ARB2A: variants seen among roughly 807,000 people sequenced by gnomAD.
ARB2A encodes the protein ARB2 cotranscriptional regulator A.
At chr5:93,700,363 G>C in the ARB2A span, among the ~76,000 whole-genome samples, 1 of 151,938 alleles carries the variant, frequency 6.6e-6, no homozygotes, top group Non-Finnish European at 1.5e-5. Flanking sequence ...TAACTGATGG[G>C]GAGACATAGA....
At chr5:94,017,735 C>A in the ARB2A span, among the ~76,000 whole-genome samples, 272 of 152,262 alleles carry the variant, frequency 1.8e-3, no homozygotes, top group Non-Finnish European at 3.1e-3. Context: ...GCTGATATGA[C>A]AAATTCTCTG....
chr5:93,937,438 T>TTA, the ARB2A span, among the ~76,000 whole-genome samples: 1 of 140,914 alleles, frequency 7.1e-6, no homozygotes, highest in Admixed American at 7.1e-5. Context: ...CCATCTCTAT[T>TTA]AAAAAAAAAA....
the ARB2A span, among the ~76,000 whole-genome samples, chr5:93,910,142 A>G: frequency 1.3e-5 from 2 of 151,108 alleles, no homozygotes; most frequent in Admixed American, 6.6e-5. Context: ...ATAAAATTAA[A>G]TGACAAAACA....
the ARB2A span, among the ~76,000 whole-genome samples, chr5:93,752,397 T>C: frequency 1.1e-4 from 16 of 152,220 alleles, no homozygotes; most frequent in African/African-American, 3.9e-4. Context: ...ATTATTCAGT[T>C]ATTTATCTAA....
chr5:93,811,460 GAATA>G, the ARB2A span, among the ~76,000 whole-genome samples: 5 of 152,032 alleles, frequency 3.3e-5, no homozygotes, highest in African/African-American at 1.2e-4. Flanking sequence ...AATAAAGAGA[GAATA>G]AAAACTAAAT....
the ARB2A span, among the ~76,000 whole-genome samples, chr5:94,043,920 T>A: frequency 4.6e-5 from 7 of 152,232 alleles, no homozygotes; most frequent in Non-Finnish European, 1.0e-4. Flanking sequence ...AGCAAATTGG[T>A]CTTACCATGA....
chr5:94,020,440 A>G, the ARB2A span, among the ~76,000 whole-genome samples: 1 of 152,122 alleles, frequency 6.6e-6, no homozygotes, highest in Non-Finnish European at 1.5e-5. Flanking sequence ...TAAAAAAACA[A>G]TGGTGACATA....
At chr5:93,947,613 C>T in the ARB2A span, among the ~76,000 whole-genome samples, 2 of 148,728 alleles carry the variant, frequency 1.3e-5, no homozygotes, top group Non-Finnish European at 3.0e-5. Flanking sequence ...TGTGCTGCAC[C>T]CATTAACTCG....
the ARB2A span, among the ~76,000 whole-genome samples, chr5:93,789,030 A>G: frequency 1.3e-5 from 2 of 152,230 alleles, no homozygotes; most frequent in East Asian, 3.8e-4. Flanking sequence ...TAAAAGAGCC[A>G]GTGTGGGTTG....
At chr5:94,003,691 GA>G in the ARB2A span, among the ~76,000 whole-genome samples, 1 of 151,360 alleles carries the variant, frequency 6.6e-6, no homozygotes, top group East Asian at 1.9e-4. Flanking sequence ...AAATCCTGGT[GA>G]AAAAAAATAA....
the ARB2A span, chr5:93,881,484 G>C: frequency 1.2e-6 from 2 of 1,609,490 alleles, no homozygotes; most frequent in South Asian, 2.2e-5. Context: ...ATATACAATT[G>C]CATCATTTCT....
chr5:93,933,765 A>C, the ARB2A span, among the ~76,000 whole-genome samples: 1 of 152,144 alleles, frequency 6.6e-6, no homozygotes, highest in East Asian at 1.9e-4. Context: ...ACAAACCTGC[A>C]TGTTCCGCAC....
the ARB2A span, among the ~76,000 whole-genome samples, chr5:93,732,899 A>G: frequency 6.6e-6 from 1 of 152,002 alleles, no homozygotes; most frequent in East Asian, 1.9e-4. Context: ...AAAATCACTA[A>G]TAATTCCAAT....
At chr5:93,835,448 T>G in the ARB2A span, among the ~76,000 whole-genome samples, 2 of 152,210 alleles carry the variant, frequency 1.3e-5, no homozygotes, top group Non-Finnish European at 2.9e-5. Flanking sequence ...TTATAAAAAG[T>G]AAGTACTCCT....
the ARB2A span, among the ~76,000 whole-genome samples, chr5:93,915,279 G>A: frequency 1.3e-5 from 2 of 151,666 alleles, no homozygotes; most frequent in Non-Finnish European, 2.9e-5. Flanking sequence ...AGGTAATACT[G>A]CCATCTTGTG....
chr5:93,948,849 C>T, the ARB2A span, among the ~76,000 whole-genome samples: 1 of 152,186 alleles, frequency 6.6e-6, no homozygotes, highest in Admixed American at 6.5e-5. Flanking sequence ...GCTGGCATTA[C>T]AGGCACTAGC....
At chr5:93,927,058 CT>C in the ARB2A span, among the ~76,000 whole-genome samples, 8 of 151,096 alleles carry the variant, frequency 5.3e-5, no homozygotes, top group African/African-American at 1.7e-4. Context: ...AAAAAATCCT[CT>C]CTAAGAAACA....
At chr5:93,851,958 T>A in the ARB2A span, among the ~76,000 whole-genome samples, 1 of 151,924 alleles carries the variant, frequency 6.6e-6, no homozygotes, top group African/African-American at 2.4e-5. Flanking sequence ...TAGTCCTTTG[T>A]GTATATACCC....
chr5:94,060,866 C>A, the ARB2A span, among the ~76,000 whole-genome samples: 1 of 152,138 alleles, frequency 6.6e-6, no homozygotes, highest in Non-Finnish European at 1.5e-5. Context: ...AACATGTAAT[C>A]CACTATTTCA....
Sources: gnomAD v4.1 joint callset for allele counts (sites outside exome capture counted in the v4.1 genomes callset) on GRCh38, gnomAD v4.1.1 for gene constraint, MANE v1.5 for transcripts, NCBI Gene and HGNC (gene_info 2026-07-23, HGNC 2026-07-21) for gene names.